The following LIN7A variants were observed in gnomAD, a reference collection of about 807,000 sequenced individuals.
LIN7A encodes lin-7 cell polarity scaffold A.
LIN7A carries 25 observed loss-of-function variants against 29.8 expected under a neutral mutation model. The ratio of observed to expected loss-of-function variants is 0.84; its 90% CI spans 0.61 to 1.17. The LOEUF is 1.17. Ranked by LOEUF, LIN7A falls within the 50% of genes most tolerant of loss-of-function variation. The pLI is 0.00. For synonymous variants in LIN7A, 118 were observed against 107.5 expected, an observed-to-expected ratio of 1.10 and a Z score of -0.60; for missense variants, 239 against 287.0, an observed-to-expected ratio of 0.83 and a Z score of 1.21.
In LIN7A at chr12:80,793,899, A is replaced by G. The variant is rs186611769; in HGVS notation, c.*3828T>C. On this transcript the variant is annotated 3_prime_UTR_variant, in exon 6 of 6. Coordinates refer to ENST00000552864, the MANE Select transcript of LIN7A (RefSeq NM_004664.4). Reference sequence around the variant, plus strand: ...TATGTTTGAATCATTCCTGCCAGATAATTCAGGAAGCTTGTATAAAGAACT... The same window carrying G: ...TATGTTTGAATCATTCCTGCCAGATGATTCAGGAAGCTTGTATAAAGAACT... 5 of 152,292 alleles carry G rather than the reference A, an allele frequency of 3.3e-5. No individual in the cohort carries two copies. Among genetic ancestry groups the G allele is most frequent in the Non-Finnish European group, 5.9e-5 (4 of 67,998 alleles). The allele number at this position is 152,292 out of a possible 1,614,324, so 9.4% of individuals were successfully genotyped here. A position where few individuals can be genotyped will look rare whatever the true frequency, so the allele number is the denominator to read the frequency against.
chr12:80,932,614 G>T (rs1373116114), intron 1 of LIN7A, among the ~76,000 whole-genome samples: 3 of 152,168 alleles, frequency 2.0e-5, no homozygotes, highest in Non-Finnish European at 4.4e-5. Context: ...AGTTGGTTTT[G>T]TATTATTCCT....
At chr12:80,842,691 C>T (rs1387935221) in intron 4 of LIN7A, among the ~76,000 whole-genome samples, 1 of 151,772 alleles carries the variant, frequency 6.6e-6, no homozygotes, top group Non-Finnish European at 1.5e-5. Flanking sequence ...AACCTCTGGG[C>T]TCAGTGTTTG....
At chr12:80,876,689 T>C (rs1448511648) in intron 2 of LIN7A, among the ~76,000 whole-genome samples, 1 of 152,200 alleles carries the variant, frequency 6.6e-6, no homozygotes, top group African/African-American at 2.4e-5. Context: ...CCCCATTGCA[T>C]TGTACATTCC....
chr12:80,803,757 G>T (rs1029057481), intron 5 of LIN7A, among the ~76,000 whole-genome samples: 4 of 152,144 alleles, frequency 2.6e-5, no homozygotes, highest in Admixed American at 6.6e-5. Flanking sequence ...TATATTTGTG[G>T]TAATTTTTAT....
At chr12:80,937,577 G>GGCGCGTCC (rs1438339777) in intron 1 of LIN7A, 64 bp downstream of exon 1, 19 of 1,212,132 alleles carry the variant, frequency 1.6e-5, no homozygotes, top group Non-Finnish European at 4.4e-6. Context: ...TTGGGAATTG[G>GGCGCGTCC]CAGGCGGGGA....
intron 1 of LIN7A, 141 bp downstream of exon 1, chr12:80,937,500 G>A (rs1878303743): frequency 2.0e-6 from 1 of 488,768 alleles, no homozygotes; most frequent in Non-Finnish European, 3.5e-6. Context: ...TCTGTTCTCG[G>A]CGCGAACGCC....
At chr12:80,812,493 G>A (rs529887326) in intron 4 of LIN7A, among the ~76,000 whole-genome samples, 32 of 146,148 alleles carry the variant, frequency 2.2e-4, no homozygotes, top group African/African-American at 8.0e-4. Flanking sequence ...CAGAAAAACA[G>A]TTTCAGTATG....
rs2121459942 is a variant in LIN7A, at chr12:80,794,767, A to C, written c.*2960T>G. 1 of 152,298 alleles carries C rather than the reference A, an allele frequency of 6.6e-6. No individual in the cohort carries two copies. Among genetic ancestry groups the C allele is most frequent in the South Asian group, 2.1e-4 (1 of 4,822 alleles). 9.4% of individuals were successfully genotyped at this position (152,298 alleles called of 1,614,324 possible). ...GACTACATGATTGAGGAAACACAAA[A>C]GTCTGTTATTCTTTCCAAAGTCAAT... On this transcript the variant is annotated 3_prime_UTR_variant, in exon 6 of 6. Coordinates refer to ENST00000552864, the MANE Select transcript of LIN7A (RefSeq NM_004664.4).
chr12:80,933,152 G>C (rs906143022), intron 1 of LIN7A, among the ~76,000 whole-genome samples: 1 of 152,190 alleles, frequency 6.6e-6, no homozygotes, highest in Non-Finnish European at 1.5e-5. Flanking sequence ...GTAAATTACA[G>C]TGCTCAGTAT....
chr12:80,937,498 C>T (rs1466306115), intron 1 of LIN7A, 143 bp downstream of exon 1: 1 of 479,944 alleles, frequency 2.1e-6, no homozygotes, highest in Non-Finnish European at 3.6e-6. Flanking sequence ...GTTCTGTTCT[C>T]GGCGCGAACG....
intron 5 of LIN7A, among the ~76,000 whole-genome samples, chr12:80,810,720 G>T (rs571149655): frequency 1.3e-5 from 2 of 152,218 alleles, no homozygotes; most frequent in South Asian, 4.1e-4. Context: ...GTGTACAAGG[G>T]TTCCCTTTTC....
intron 4 of LIN7A, among the ~76,000 whole-genome samples, chr12:80,828,381 T>A (rs1454923237): frequency 6.6e-6 from 1 of 152,064 alleles, no homozygotes; most frequent in Non-Finnish European, 1.5e-5. Context: ...ATATAGAATA[T>A]TATATAGAAG....
chr12:80,936,665 G>C (rs1466255048), intron 1 of LIN7A: 1 of 152,516 alleles, frequency 6.6e-6, no homozygotes, highest in Non-Finnish European at 1.5e-5. Flanking sequence ...CACACACTCA[G>C]GGACAGGTAT....
chr12:80,917,662 T>C (rs1467985753), intron 1 of LIN7A, among the ~76,000 whole-genome samples: 3 of 152,344 alleles, frequency 2.0e-5, no homozygotes, highest in Non-Finnish European at 4.4e-5. Flanking sequence ...TTCAGTGTTA[T>C]GCTCTTAGTT....
intron 2 of LIN7A, among the ~76,000 whole-genome samples, chr12:80,870,433 A>C (rs1352556128): frequency 1.3e-5 from 2 of 152,198 alleles, no homozygotes; most frequent in African/African-American, 4.8e-5. Context: ...GCAAGTCCAC[A>C]TGATTGGAAC....
chr12:80,933,047 A>C (rs1878001653), intron 1 of LIN7A, among the ~76,000 whole-genome samples: 1 of 152,222 alleles, frequency 6.6e-6, no homozygotes. Context: ...ACTACTTTCT[A>C]TACCACTGTC....
At chr12:80,846,478 C>T (rs1206974625) in intron 3 of LIN7A, among the ~76,000 whole-genome samples, 4 of 151,956 alleles carry the variant, frequency 2.6e-5, no homozygotes, top group Non-Finnish European at 4.4e-5. Flanking sequence ...AACCCAAAAG[C>T]TTAGCAAATT....
At chr12:80,840,143 T>C (rs1204567887) in intron 4 of LIN7A, among the ~76,000 whole-genome samples, 1 of 152,168 alleles carries the variant, frequency 6.6e-6, no homozygotes, top group Non-Finnish European at 1.5e-5. Context: ...ACTTTCTTGC[T>C]TTATAAAAAT....
At chr12:80,878,966 G>C (rs1874873627) in intron 2 of LIN7A, among the ~76,000 whole-genome samples, 1 of 152,174 alleles carries the variant, frequency 6.6e-6, no homozygotes, top group African/African-American at 2.4e-5. Flanking sequence ...CAAAAGTCCA[G>C]CTGGCTTCAC....
Sources: allele counts gnomAD v4.1 joint callset (sites outside exome capture counted in the v4.1 genomes callset), GRCh38; gene constraint gnomAD v4.1.1; transcripts MANE v1.5; gene names NCBI Gene and HGNC (gene_info 2026-07-23, HGNC 2026-07-21).